NOTCH1: variants seen among roughly 807,000 people sequenced by gnomAD.
NOTCH1 encodes the protein notch receptor 1.
NOTCH1 carries 37 observed loss-of-function variants against 254.8 expected under a neutral mutation model. The ratio of observed to expected loss-of-function variants is 0.15; its 90% CI spans 0.11 to 0.19. The LOEUF (loss-of-function observed/expected upper bound fraction) is 0.19. Ranked by LOEUF, NOTCH1 falls within the 10% of genes least tolerant of loss-of-function variation. The probability of loss-of-function intolerance (pLI) is 1.00; values close to 1 mark genes in which losing one functional copy is unlikely to be tolerated. For missense variants in NOTCH1, 2,972 were observed against 3,708.6 expected, an observed-to-expected ratio of 0.80 and a Z score of 5.16; for synonymous variants, 1,731 against 1,618.1, an observed-to-expected ratio of 1.07 and a Z score of -1.68.
intron 2 of NOTCH1, among the ~76,000 whole-genome samples, chr9:136,525,214 C>T (rs1209548937): frequency 6.6e-6 from 1 of 152,194 alleles, no homozygotes; most frequent in Non-Finnish European, 1.5e-5. Context: ...GGCTGCCCCT[C>T]ACCCCGGACA....
At chr9:136,507,738 C>T (rs1843111780) in intron 21 of NOTCH1, among the ~76,000 whole-genome samples, 1 of 152,186 alleles carries the variant, frequency 6.6e-6, no homozygotes, top group Non-Finnish European at 1.5e-5. Flanking sequence ...GGGAAAACCC[C>T]ATCCCACTTC....
chr9:136,538,678 C>T (rs1589081590), intron 2 of NOTCH1, among the ~76,000 whole-genome samples: 1 of 152,338 alleles, frequency 6.6e-6, no homozygotes, highest in East Asian at 1.9e-4. Flanking sequence ...TGAAAGCTGA[C>T]GCCAGCCTGC....
rs190029378 is a variant in NOTCH1 at position 136,542,353 on chromosome 9, G to A, written c.140+1671C>T. ...GCAAAGTCCGAGCCGGGAGCGCAGTGGCGGGGAAGGGGGTTATACATTCTG... is the reference window on the plus strand; with the variant it reads ...GCAAAGTCCGAGCCGGGAGCGCAGTAGCGGGGAAGGGGGTTATACATTCTG... On this transcript the variant is annotated intron_variant, in intron 2 of 33. Coordinates refer to ENST00000651671, the MANE Select transcript of NOTCH1 (RefSeq NM_017617.5). Among the ~76,000 whole-genome samples, 957 of 152,254 alleles carry A rather than the reference G, an allele frequency of 6.3e-3. 18 individuals are homozygous for A. The highest frequency in any genetic ancestry group is 0.022 in the African/African-American group (910 of 41,528).
At chr9:136,505,224 T>TA in intron 25 of NOTCH1, 86 bp downstream of exon 25, 1 of 1,524,948 alleles carries the variant, frequency 6.6e-7, no homozygotes, top group African/African-American at 1.4e-5. Flanking sequence ...AGCAGAGCCT[T>TA]AGAACTGCAT....
In NOTCH1 at chr9:136,496,819, T is replaced by C. The variant is rs1842923048; in HGVS notation, c.6920A>G (p.Gln2307Arg). 3.1e-6 allele frequency: 5 copies of C among 1,612,826 alleles called. No homozygotes were observed. In the East Asian group the frequency reaches 6.7e-5, roughly 22 times the overall value. ...TVGGSTSLNG[Q>R]CEWLSRLQSG... is the part of the protein sequence containing the mutation. ...CTGCAGCCGGGACAGCCACTCGCAT[T>C]GACCATTCAAACTGGTGGACCCGCC... The change falls in exon 34 of 34, where the codon CAA (glutamine) becomes CGA (arginine). Residue 2307 changes from glutamine to arginine, a missense_variant. Gln to Arg is a conservative substitution (Grantham distance 43). Coordinates refer to ENST00000651671, the MANE Select transcript of NOTCH1 (RefSeq NM_017617.5).
chr9:136,532,658 C>G (rs1336466014), intron 2 of NOTCH1, among the ~76,000 whole-genome samples: 1 of 152,236 alleles, frequency 6.6e-6, no homozygotes. Flanking sequence ...GGCAGTCGCC[C>G]AGCCACGAGG....
At chr9:136,501,286 T>A (rs1270160780) in intron 30 of NOTCH1, among the ~76,000 whole-genome samples, 2 of 151,714 alleles carry the variant, frequency 1.3e-5, no homozygotes, top group African/African-American at 2.4e-5. Flanking sequence ...ATACAAAAAT[T>A]AGCCAGGTGT....
intron 3 of NOTCH1, 95 bp from the exon 4 acceptor site, chr9:136,523,283 G>C: frequency 7.8e-7 from 1 of 1,275,138 alleles, no homozygotes; most frequent in Admixed American, 2.0e-5. Context: ...GCCAGCCTGG[G>C]CTCCACCTTA....
At chr9:136,501,192 G>T (rs1329966755) in intron 30 of NOTCH1, among the ~76,000 whole-genome samples, 1 of 152,232 alleles carries the variant, frequency 6.6e-6, no homozygotes, top group Non-Finnish European at 1.5e-5. Context: ...CTAGCACTGG[G>T]GGAGGCCGAG....
intron 2 of NOTCH1, among the ~76,000 whole-genome samples, chr9:136,532,682 C>G (rs561935629): frequency 7.9e-5 from 12 of 152,246 alleles, no homozygotes; most frequent in Non-Finnish European, 1.6e-4. Context: ...GCAGCTGGGG[C>G]TGTCAGGAGC....
At chr9:136,523,269 AG>A (rs1365817566) in intron 3 of NOTCH1, 81 bp from the exon 4 acceptor site, 27 of 1,398,998 alleles carry the variant, frequency 1.9e-5, no homozygotes, top group Non-Finnish European at 2.6e-5. Context: ...GGCCACCTGG[AG>A]GTGCCAGCCT....
Position 136,495,693 on chromosome 9 carries a change from T to C in NOTCH1, c.*378A>G. ...TTCCCTTCTCCAACATCATTTCTTT[T>C]TGGATTTTGAAAAAAGGAATCAATA... is the stretch of plus-strand genomic sequence containing the variant. On this transcript the variant is annotated 3_prime_UTR_variant, in exon 34 of 34. Transcript: ENST00000651671. The C allele has an allele frequency of 2.4e-6, 1 of 410,180 alleles. No homozygotes were observed. 25.4% of individuals were successfully genotyped at this position (410,180 alleles called of 1,614,324 possible).
intron 9 of NOTCH1, among the ~76,000 whole-genome samples, chr9:136,517,065 C>G (rs1843285372): frequency 6.7e-6 from 1 of 149,980 alleles, no homozygotes; most frequent in East Asian, 2.0e-4. Flanking sequence ...GCAGACGGCC[C>G]AGGAGCAGGG....
At chr9:136,509,126 T>TCCAGCAGATTCTGCCTCGCC in intron 18 of NOTCH1, 55 bp from the exon 19 acceptor site, 1 of 1,472,266 alleles carries the variant, frequency 6.8e-7, no homozygotes, top group Non-Finnish European at 9.3e-7. Flanking sequence ...GGGTCCCCGC[T>TCCAGCAGATTCTGCCTCGCC]CCAGCAGATT....
At chr9:136,534,857 A>G in intron 2 of NOTCH1, among the ~76,000 whole-genome samples, 1 of 16,970 alleles carries the variant, frequency 5.9e-5, no homozygotes, top group Admixed American at 6.2e-4. Context: ...GTCCCTCCCC[A>G]CAGAGCCCCC....
At chr9:136,523,309 G>C (rs538566783) in intron 3 of NOTCH1, 121 bp from the exon 4 acceptor site, 53 of 1,029,060 alleles carry the variant, frequency 5.2e-5, no homozygotes, top group Non-Finnish European at 7.1e-5. Context: ...TATCACATTT[G>C]ATCCTCAGGA....
intron 2 of NOTCH1, among the ~76,000 whole-genome samples, chr9:136,536,242 G>A (rs1014566322): frequency 5.3e-5 from 8 of 152,150 alleles, no homozygotes; most frequent in African/African-American, 1.7e-4. Context: ...ACAGGGCCTC[G>A]CTGTCAAGGG....
intron 2 of NOTCH1, among the ~76,000 whole-genome samples, chr9:136,536,346 G>A (rs1045654578): frequency 2.7e-4 from 41 of 152,180 alleles, no homozygotes; most frequent in Admixed American, 2.7e-3. Context: ...AGAGTGAGGG[G>A]CCAGGTTCCT....
chr9:136,519,828 C>T (rs1401709871), intron 4 of NOTCH1, among the ~76,000 whole-genome samples: 1 of 152,238 alleles, frequency 6.6e-6, no homozygotes, highest in East Asian at 1.9e-4. Context: ...ACCCTTGGGT[C>T]TCTTTTAAGA....
Sources: gnomAD v4.1 joint callset for allele counts (sites outside exome capture counted in the v4.1 genomes callset) on GRCh38, gnomAD v4.1.1 for gene constraint, MANE v1.5 for transcripts, NCBI Gene and HGNC (gene_info 2026-07-23, HGNC 2026-07-21) for gene names.